Variants in CYTH1 observed in about 807,000 individuals in gnomAD.
The protein encoded by CYTH1 is cytohesin 1.
CYTH1 carries 18 observed loss-of-function variants against 61.8 expected under a neutral mutation model. The observed-to-expected ratio is 0.29, with a 90% CI of 0.20 to 0.43. CYTH1 has a LOEUF of 0.43. Ranked by LOEUF, CYTH1 falls within the 20% of genes least tolerant of loss-of-function variation. The pLI is 1.00. For synonymous variants in CYTH1, 174 were observed against 184.3 expected (o/e 0.94, Z 0.45); for missense variants, 336 against 510.5 (o/e 0.66, Z 3.29).
intron 1 of CYTH1, among the ~76,000 whole-genome samples, chr17:78,729,859 G>T (rs1202414371): frequency 6.6e-6 from 1 of 152,184 alleles, no homozygotes; most frequent in African/African-American, 2.4e-5. Context: ...ACTTGAAACT[G>T]CTAGCAGGAA....
intron 1 of CYTH1, among the ~76,000 whole-genome samples, chr17:78,726,338 G>A (rs993802841): frequency 6.6e-6 from 1 of 151,932 alleles, no homozygotes; most frequent in African/African-American, 2.4e-5. Context: ...CACCGCGCCC[G>A]GCCTCAACAA....
chr17:78,724,597 G>A (rs894558315), intron 1 of CYTH1, among the ~76,000 whole-genome samples: 2 of 152,178 alleles, frequency 1.3e-5, no homozygotes, highest in African/African-American at 4.8e-5. Context: ...AATGTCTCCA[G>A]GCATTGCTGA....
At chr17:78,747,510 C>A (rs2144660633) in intron 1 of CYTH1, among the ~76,000 whole-genome samples, 1 of 152,274 alleles carries the variant, frequency 6.6e-6, no homozygotes, top group East Asian at 1.9e-4. Context: ...GCAACCACCA[C>A]CACTATCTAA....
intron 1 of CYTH1, among the ~76,000 whole-genome samples, chr17:78,779,567 T>C (rs2144787299): frequency 6.6e-6 from 1 of 152,262 alleles, no homozygotes; most frequent in East Asian, 1.9e-4. Context: ...AGGTAACAGA[T>C]GGAATTAAGG....
At chr17:78,725,816 G>A (rs186950418) in intron 1 of CYTH1, among the ~76,000 whole-genome samples, 14 of 152,212 alleles carry the variant, frequency 9.2e-5, no homozygotes, top group South Asian at 6.2e-4. Flanking sequence ...GGATGTCAGT[G>A]GACAAAGAAG....
chr17:78,695,912 T>TA (rs2092933421), intron 10 of CYTH1, 95 bp downstream of exon 10: 1 of 1,356,712 alleles, frequency 7.4e-7, no homozygotes, highest in African/African-American at 1.5e-5. Flanking sequence ...CACCGGCAAT[T>TA]AAAAAACAAA....
chr17:78,727,545 C>T (rs1313181860), intron 1 of CYTH1: 3 of 370,122 alleles, frequency 8.1e-6, no homozygotes, highest in Non-Finnish European at 1.2e-5. Context: ...ACCAGAGTTG[C>T]CCCGAGTCCG....
intron 1 of CYTH1, among the ~76,000 whole-genome samples, chr17:78,765,781 C>G (rs1402431892): frequency 6.6e-6 from 1 of 152,152 alleles, no homozygotes; most frequent in African/African-American, 2.4e-5. Context: ...GAGTCCACAG[C>G]TGAGCTGAGA....
chr17:78,741,324 C>T (rs540114187), intron 1 of CYTH1, among the ~76,000 whole-genome samples: 18 of 151,744 alleles, frequency 1.2e-4, no homozygotes, highest in Non-Finnish European at 2.4e-4. Flanking sequence ...TGCTTGAAGC[C>T]AGGAGTTCAA....
chr17:78,773,826 A>G (rs2093480905), intron 1 of CYTH1, among the ~76,000 whole-genome samples: 1 of 152,208 alleles, frequency 6.6e-6, no homozygotes, highest in African/African-American at 2.4e-5. Flanking sequence ...ACCCCAGTCA[A>G]AACTGATACA....
chr17:78,736,555 T>A (rs538139770), intron 1 of CYTH1: 25 of 205,042 alleles, frequency 1.2e-4, no homozygotes, highest in African/African-American at 5.2e-4. Context: ...TCTAGGTTGG[T>A]CCTTAACTCC....
intron 1 of CYTH1, among the ~76,000 whole-genome samples, chr17:78,763,824 G>A (rs2093438004): frequency 6.6e-6 from 1 of 152,188 alleles, no homozygotes; most frequent in Non-Finnish European, 1.5e-5. Flanking sequence ...TTCAAACATA[G>A]AATAGGCCAG....
chr17:78,740,601 T>G (rs1443026206), intron 1 of CYTH1, among the ~76,000 whole-genome samples: 1 of 152,200 alleles, frequency 6.6e-6, no homozygotes, highest in Non-Finnish European at 1.5e-5. Flanking sequence ...TACCACTGTT[T>G]GTTAAAAAAG....
At chr17:78,779,565 G>C (rs933105030) in intron 1 of CYTH1, among the ~76,000 whole-genome samples, 6 of 152,180 alleles carry the variant, frequency 3.9e-5, no homozygotes, top group Admixed American at 3.9e-4. Flanking sequence ...TAAGGTAACA[G>C]ATGGAATTAA....
At chr17:78,710,357 G>A (rs1300350167) in intron 1 of CYTH1, among the ~76,000 whole-genome samples, 1 of 152,110 alleles carries the variant, frequency 6.6e-6, no homozygotes, top group Non-Finnish European at 1.5e-5. Flanking sequence ...TCATTGTTTC[G>A]ATGTTTTACA....
chr17:78,691,447 G>A (rs1317056961), intron 11 of CYTH1: 1 of 152,184 alleles, frequency 6.6e-6, no homozygotes. Context: ...GGTGAATATG[G>A]TCAGGATTTC....
intron 1 of CYTH1, among the ~76,000 whole-genome samples, chr17:78,710,188 C>T (rs1000521668): frequency 1.2e-4 from 18 of 152,066 alleles, no homozygotes; most frequent in African/African-American, 2.9e-4. Context: ...GGCAAAGCAA[C>T]GTGTACGAAC....
At chr17:78,756,087 T>A (rs1004413513) in intron 1 of CYTH1, among the ~76,000 whole-genome samples, 12 of 150,206 alleles carry the variant, frequency 8.0e-5, no homozygotes, top group African/African-American at 1.2e-4. Context: ...TTATTTTTTT[T>A]TTTTTTGAGA....
At chr17:78,740,151 G>A (rs2093336723) in intron 1 of CYTH1, among the ~76,000 whole-genome samples, 2 of 152,158 alleles carry the variant, frequency 1.3e-5, no homozygotes, top group African/African-American at 2.4e-5. Context: ...GGCCAGGCTG[G>A]TCTCGAACTC....
Sources: gnomAD v4.1 joint callset for allele counts (sites outside exome capture counted in the v4.1 genomes callset) on GRCh38, gnomAD v4.1.1 for gene constraint, MANE v1.5 for transcripts, NCBI Gene and HGNC (gene_info 2026-07-23, HGNC 2026-07-21) for gene names.